The following THSD4 variants were observed in gnomAD, a reference collection of about 807,000 sequenced individuals.
THSD4 encodes thrombospondin type 1 domain containing 4, also known as thrombospondin type-1 domain-containing protein 4.
A neutral mutation model predicts 119.0 loss-of-function variants in THSD4; 69 were observed. That is an observed-to-expected ratio of 0.58 (90% CI 0.48 to 0.71). The LOEUF is 0.71. Ranked by LOEUF, THSD4 falls within the 30% of genes least tolerant of loss-of-function variation. The pLI, the probability that THSD4 is intolerant of heterozygous loss-of-function variation, is 0.00. For missense variants in THSD4, 1,393 were observed against 1,391.1 expected, an observed-to-expected ratio of 1.00 and a Z score of -0.02; for synonymous variants, 524 against 540.4, an observed-to-expected ratio of 0.97 and a Z score of 0.42.
At chr15:71,678,767 A>T (rs1256545259) in intron 8 of THSD4, among the ~76,000 whole-genome samples, 2 of 152,228 alleles carry the variant, frequency 1.3e-5, no homozygotes, top group Non-Finnish European at 2.9e-5. Flanking sequence ...CTGAATTAGA[A>T]ACCATATAAA....
intron 1 of THSD4, among the ~76,000 whole-genome samples, chr15:71,106,481 A>G (rs1245150644): frequency 6.6e-6 from 1 of 152,134 alleles, no homozygotes; most frequent in Non-Finnish European, 1.5e-5. Context: ...CCCCTGGTGG[A>G]GAAAAATGAT....
chr15:71,452,672 G>T (rs984359218), intron 7 of THSD4, among the ~76,000 whole-genome samples: 2 of 152,124 alleles, frequency 1.3e-5, no homozygotes, highest in Non-Finnish European at 2.9e-5. Flanking sequence ...CTGGAGTGCA[G>T]TAGCGCGATC....
At chr15:71,318,496 G>A (rs11855326) in intron 6 of THSD4, among the ~76,000 whole-genome samples, 46,706 of 151,982 alleles carry the variant, frequency 0.31, 7,623 homozygotes, top group South Asian at 0.49. Context: ...TCCTAGCCCA[G>A]CATAAAGGCT....
intron 7 of THSD4, among the ~76,000 whole-genome samples, chr15:71,504,543 G>C (rs2048160950): frequency 6.6e-6 from 1 of 152,124 alleles, no homozygotes; most frequent in Non-Finnish European, 1.5e-5. Flanking sequence ...TGGAGCCAGT[G>C]GTTAAAGCCA....
intron 7 of THSD4, among the ~76,000 whole-genome samples, chr15:71,485,030 C>A (rs2047793840): frequency 6.6e-6 from 1 of 152,180 alleles, no homozygotes; most frequent in Non-Finnish European, 1.5e-5. Context: ...TACGTTGTTT[C>A]TCCGCCCTTT....
At chr15:71,694,896 C>G (rs143713525) in intron 8 of THSD4, among the ~76,000 whole-genome samples, 92 of 152,160 alleles carry the variant, frequency 6.0e-4, no homozygotes, top group African/African-American at 2.0e-3. Context: ...ACCTGGCCAC[C>G]AGGATGGTCC....
Position 71,447,109 on chromosome 15 carries a change from A to ATTTTTTTT in THSD4, c.1152+35287_1152+35294dup, listed in dbSNP as rs1491223591. On this transcript the variant is annotated intron_variant, in intron 7 of 17. Transcript: ENST00000261862. Reference sequence around the variant, plus strand: ...TGTCCTCTGTTGCCCTCTTCCCTCCATTTTTTTTGTTTTTTTTTTTTTTTT... The same window carrying ATTTTTTTT: ...TGTCCTCTGTTGCCCTCTTCCCTCCATTTTTTTTTTTTTTTTGTTTTTTTTTTTTTTTT... 1.7e-3 allele frequency among the ~76,000 whole-genome samples: 119 copies of ATTTTTTTT among 69,474 alleles called. 9 individuals are homozygous for ATTTTTTTT. Among genetic ancestry groups the ATTTTTTTT allele is most frequent in the African/African-American group, 6.3e-3 (115 of 18,158 alleles). The allele number at this position is 69,474 out of a possible 152,430, so 45.6% of individuals were successfully genotyped here.
chr15:71,387,948 A>AT (rs1050486515), intron 6 of THSD4, among the ~76,000 whole-genome samples: 1 of 152,028 alleles, frequency 6.6e-6, no homozygotes, highest in Non-Finnish European at 1.5e-5. Context: ...TTTTGATCTT[A>AT]TTTTCCCCCC....
intron 1 of THSD4, among the ~76,000 whole-genome samples, chr15:71,140,085 C>G (rs2141370264): frequency 6.6e-6 from 1 of 152,350 alleles, no homozygotes; most frequent in East Asian, 1.9e-4. Context: ...GAGATTTTAC[C>G]TCCATGTTTT....
At chr15:71,389,102 C>T (rs2046335281) in intron 6 of THSD4, among the ~76,000 whole-genome samples, 1 of 152,190 alleles carries the variant, frequency 6.6e-6, no homozygotes, top group South Asian at 2.1e-4. Context: ...GTCCATTAAA[C>T]CTCTTTGTCT....
intron 6 of THSD4, among the ~76,000 whole-genome samples, chr15:71,332,052 G>T (rs1026622796): frequency 1.3e-5 from 2 of 152,144 alleles, no homozygotes; most frequent in African/African-American, 4.8e-5. Flanking sequence ...GTAGGGAAGG[G>T]TCCTAGATTG....
At chr15:71,638,983 T>A (rs1032801133) in intron 7 of THSD4, among the ~76,000 whole-genome samples, 4 of 152,184 alleles carry the variant, frequency 2.6e-5, no homozygotes, top group Non-Finnish European at 4.4e-5. Flanking sequence ...TTTGCAGTCA[T>A]GTCCCCCAAC....
intron 6 of THSD4, among the ~76,000 whole-genome samples, chr15:71,320,004 A>G (rs940237288): frequency 6.6e-6 from 1 of 152,188 alleles, no homozygotes; most frequent in African/African-American, 2.4e-5. Flanking sequence ...AACCATTTTT[A>G]AATTGGTGGT....
chr15:71,200,837 C>A (rs1033621146), intron 3 of THSD4, among the ~76,000 whole-genome samples: 5 of 152,160 alleles, frequency 3.3e-5, no homozygotes, highest in East Asian at 1.9e-4. Flanking sequence ...CCAAGGGCAA[C>A]AGATGTGTGA....
chr15:71,125,239 C>G (rs1306654449), intron 1 of THSD4, among the ~76,000 whole-genome samples: 1 of 152,210 alleles, frequency 6.6e-6, no homozygotes, highest in African/African-American at 2.4e-5. Flanking sequence ...AGCAGCTCTG[C>G]CTGACTCCCA....
upstream of THSD4, chr15:71,111,561 C>G (rs2040305382): frequency 3.0e-6 from 2 of 658,414 alleles, no homozygotes; most frequent in Non-Finnish European, 5.1e-6. Flanking sequence ...TACCATGCCT[C>G]CCTTATTTTC....
intron 7 of THSD4, among the ~76,000 whole-genome samples, chr15:71,527,341 A>C (rs2140802880): frequency 6.6e-6 from 1 of 152,306 alleles, no homozygotes; most frequent in Non-Finnish European, 1.5e-5. Flanking sequence ...GAAACACACA[A>C]ACTCTTCTCT....
intron 6 of THSD4, among the ~76,000 whole-genome samples, chr15:71,351,759 AAAC>A (rs2140406522): frequency 6.6e-6 from 1 of 152,192 alleles, no homozygotes; most frequent in East Asian, 1.9e-4. Context: ...TTGGACTTGA[AAAC>A]AACATGGAAA....
chr15:71,181,087 G>A (rs1025056564), intron 3 of THSD4, among the ~76,000 whole-genome samples: 17 of 152,288 alleles, frequency 1.1e-4, no homozygotes, highest in Admixed American at 3.9e-4. Flanking sequence ...AGCACAGGGC[G>A]TGCACTCATT....
Sources: gnomAD v4.1 joint callset for allele counts (sites outside exome capture counted in the v4.1 genomes callset) on GRCh38, gnomAD v4.1.1 for gene constraint, MANE v1.5 for transcripts, NCBI Gene and HGNC (gene_info 2026-07-23, HGNC 2026-07-21) for gene names.